The following CPEB3 variants were observed in gnomAD, a reference collection of about 807,000 sequenced individuals.
CPEB3 encodes the protein cytoplasmic polyadenylation element-binding protein 3.
In CPEB3, 20 loss-of-function variants were observed where a neutral mutation model predicts 67.2. The observed-to-expected ratio is 0.30, with a 90% confidence interval of 0.21 to 0.43. CPEB3 has a LOEUF of 0.43. Ranked by LOEUF, CPEB3 falls within the 20% of genes least tolerant of loss-of-function variation. The pLI, the probability that CPEB3 is intolerant of heterozygous loss-of-function variation, is 1.00. For missense variants in CPEB3, 746 were observed against 968.6 expected (o/e 0.77, Z 3.05); for synonymous variants, 376 against 393.1 (o/e 0.96, Z 0.51).
intron 4 of CPEB3, among the ~76,000 whole-genome samples, chr10:92,172,121 C>A (rs997728340): frequency 8.6e-5 from 13 of 152,028 alleles, no homozygotes; most frequent in Non-Finnish European, 2.9e-5. Context: ...TATAACAAGA[C>A]CCTGTCTCTA....
intron 4 of CPEB3, among the ~76,000 whole-genome samples, chr10:92,169,452 T>C (rs901086434): frequency 1.3e-5 from 2 of 152,226 alleles, no homozygotes; most frequent in Non-Finnish European, 2.9e-5. Flanking sequence ...AGCAGTTCTT[T>C]ATAGCAGTGT....
chr10:92,132,114 G>A (rs189508408), intron 6 of CPEB3, among the ~76,000 whole-genome samples: 23 of 152,172 alleles, frequency 1.5e-4, no homozygotes, highest in South Asian at 4.2e-4. Flanking sequence ...ATATTTACAC[G>A]TAAAACCATA....
At chr10:92,107,538 TGCTGTCTTGAACCTTCA>T (rs1352804580) in intron 7 of CPEB3, among the ~76,000 whole-genome samples, 1 of 152,212 alleles carries the variant, frequency 6.6e-6, no homozygotes, top group Non-Finnish European at 1.5e-5. Context: ...TCTATTAGCT[TGCTGTCTTGAACCTTCA>T]GGTTCAATCT....
chr10:92,232,493 T>C (rs1185748612), intron 2 of CPEB3, among the ~76,000 whole-genome samples: 1 of 151,600 alleles, frequency 6.6e-6, no homozygotes, highest in Admixed American at 6.6e-5. Flanking sequence ...ACATGGTGGC[T>C]CACACCTGTA....
chr10:92,055,754 A>G (rs74985016), intron 9 of CPEB3, among the ~76,000 whole-genome samples: 1 of 148,128 alleles, frequency 6.8e-6, no homozygotes, highest in Non-Finnish European at 1.5e-5. Context: ...TGAAAAAAAA[A>G]TTAGGCTGGG....
chr10:92,245,849 C>T (rs1852036911), intron 1 of CPEB3, among the ~76,000 whole-genome samples: 1 of 150,642 alleles, frequency 6.6e-6, no homozygotes, highest in East Asian at 2.0e-4. Flanking sequence ...CCAGCCTGAC[C>T]AACACGGTGA....
At chr10:92,157,094 C>G (rs187905798) in intron 4 of CPEB3, among the ~76,000 whole-genome samples, 57 of 152,320 alleles carry the variant, frequency 3.7e-4, no homozygotes, top group Non-Finnish European at 3.1e-4. Flanking sequence ...AACTTGGTCA[C>G]ACAGCAAGTA....
chr10:92,266,556 G>A (rs1853066441), intron 1 of CPEB3, among the ~76,000 whole-genome samples: 1 of 152,016 alleles, frequency 6.6e-6, no homozygotes, highest in Admixed American at 6.6e-5. Context: ...CCGTCTACAT[G>A]CATGATCAAG....
intron 1 of CPEB3, among the ~76,000 whole-genome samples, chr10:92,281,302 C>A (rs988531552): frequency 1.3e-5 from 2 of 151,380 alleles, no homozygotes; most frequent in Admixed American, 6.6e-5. Context: ...TCTATGTTGC[C>A]CAGGCTGGTT....
At chr10:92,115,102 C>T (rs1428979275) in intron 6 of CPEB3, among the ~76,000 whole-genome samples, 1 of 152,152 alleles carries the variant, frequency 6.6e-6, no homozygotes, top group African/African-American at 2.4e-5. Flanking sequence ...CTGCGGGGCG[C>T]GGGAGGAGGA....
chr10:92,223,484 C>T (rs1476223409), intron 2 of CPEB3, among the ~76,000 whole-genome samples: 2 of 151,820 alleles, frequency 1.3e-5, no homozygotes, highest in Non-Finnish European at 2.9e-5. Flanking sequence ...AAAAACCTGG[C>T]AGTCATTCTA....
At chr10:92,234,639 GGAT>G (rs1468537949) in intron 2 of CPEB3, among the ~76,000 whole-genome samples, 3 of 152,254 alleles carry the variant, frequency 2.0e-5, no homozygotes, top group South Asian at 2.1e-4. Flanking sequence ...AATATAACAA[GGAT>G]AATAGGCCGG....
At chr10:92,141,099 A>C (rs2133815075) in intron 6 of CPEB3, among the ~76,000 whole-genome samples, 1 of 76,360 alleles carries the variant, frequency 1.3e-5, no homozygotes, top group Non-Finnish European at 2.6e-5. Context: ...TAGAACTAGA[A>C]ATACCATTTG....
chr10:92,091,148 TA>T (rs1446682778), intron 8 of CPEB3, among the ~76,000 whole-genome samples: 1 of 152,230 alleles, frequency 6.6e-6, no homozygotes, highest in African/African-American at 2.4e-5. Context: ...TAGGTAGAAC[TA>T]AGTCTATGTG....
intron 9 of CPEB3, among the ~76,000 whole-genome samples, chr10:92,077,376 C>T (rs570184040): frequency 2.6e-5 from 4 of 151,884 alleles, no homozygotes; most frequent in South Asian, 4.2e-4. Context: ...AGTAACAGTT[C>T]TGGGGAAGGG....
chr10:92,149,395 G>C (rs1846851759), intron 4 of CPEB3, among the ~76,000 whole-genome samples: 1 of 152,242 alleles, frequency 6.6e-6, no homozygotes, highest in Admixed American at 6.5e-5. Flanking sequence ...GTGAGAGTCT[G>C]AAGAAATCTG....
chr10:92,063,813 CA>C (rs1389466205), intron 9 of CPEB3, among the ~76,000 whole-genome samples: 7 of 150,968 alleles, frequency 4.6e-5, no homozygotes, highest in African/African-American at 1.7e-4. Context: ...GCACGTAAAG[CA>C]TGCTTATGAG....
chr10:92,272,587 T>C (rs1853354729), intron 1 of CPEB3, among the ~76,000 whole-genome samples: 1 of 152,190 alleles, frequency 6.6e-6, no homozygotes, highest in African/African-American at 2.4e-5. Context: ...CTTATAAGTG[T>C]CTTTTATTTA....
At chr10:92,187,723 A>G (rs762379791) in intron 3 of CPEB3, among the ~76,000 whole-genome samples, 56 of 152,194 alleles carry the variant, frequency 3.7e-4, no homozygotes, top group African/African-American at 1.3e-3. Flanking sequence ...AGAAGACAAT[A>G]GGGATGAATC....
Sources: allele counts gnomAD v4.1 joint callset (sites outside exome capture counted in the v4.1 genomes callset), GRCh38; gene constraint gnomAD v4.1.1; transcripts MANE v1.5; gene names NCBI Gene and HGNC (gene_info 2026-07-23, HGNC 2026-07-21).